The following PGAP1 variants were observed in gnomAD, a reference collection of about 807,000 sequenced individuals.
The protein encoded by PGAP1 is GPI inositol-deacylase.
In PGAP1, 76 loss-of-function variants were observed where a neutral mutation model predicts 127.0. The observed-to-expected ratio is 0.60, with a 90% CI of 0.50 to 0.72. The LOEUF is 0.72. Among genes scored for constraint, PGAP1 ranks in the 30% least tolerant of loss-of-function variants. PGAP1 has a pLI of 0.00. For synonymous variants in PGAP1, 362 were observed against 366.5 expected (o/e 0.99, Z 0.14); for missense variants, 982 against 1,071.3 (o/e 0.92, Z 1.16).
intron 16 of PGAP1, 138 bp downstream of exon 16, chr2:196,873,390 A>C: frequency 1.5e-6 from 1 of 651,798 alleles, no homozygotes; most frequent in East Asian, 2.8e-5. Flanking sequence ...GGAAATATAA[A>C]CAACCTGTTA....
chr2:196,835,493 A>G lies in PGAP1; in HGVS notation c.*5741T>C, dbSNP rs988626191. 5.9e-5 allele frequency: 9 copies of G among 152,068 alleles called. No homozygotes were observed. The highest frequency in any genetic ancestry group is 4.6e-4 in the Admixed American group (7 of 15,270). The allele number at this position is 152,068 out of a possible 1,614,324, so 9.4% of individuals were successfully genotyped here. On this transcript the variant is annotated 3_prime_UTR_variant, in exon 27 of 27. Transcript: ENST00000354764. ...ACTAGGCAAACTTTTACCCAATAAA[A>G]TCAGAAAACATTCAAGCAATCACAC...
intron 20 of PGAP1, among the ~76,000 whole-genome samples, chr2:196,859,137 G>A (rs890216856): frequency 2.6e-5 from 4 of 152,042 alleles, no homozygotes; most frequent in East Asian, 1.9e-4. Flanking sequence ...GACCAGCCTG[G>A]TCAACATGGT....
At chr2:196,922,620 A>G in intron 1 of PGAP1, 1 of 701,504 alleles carries the variant, frequency 1.4e-6, no homozygotes, top group Non-Finnish European at 1.7e-6. Context: ...ACACACAACA[A>G]AGCTTAAGAG....
At chr2:196,861,495 T>C (rs1042851935) in intron 20 of PGAP1, among the ~76,000 whole-genome samples, 1 of 152,136 alleles carries the variant, frequency 6.6e-6, no homozygotes, top group Non-Finnish European at 1.5e-5. Context: ...ATACTCTAAT[T>C]TTAAAAGTGG....
At chr2:196,920,459 C>T (rs1252674308) in intron 1 of PGAP1, among the ~76,000 whole-genome samples, 1 of 151,962 alleles carries the variant, frequency 6.6e-6, no homozygotes, top group East Asian at 1.9e-4. Flanking sequence ...TGGTATATGT[C>T]GACAAGTTAC....
rs1703190896 is a variant in PGAP1, at chr2:196,921,502, A to G, written c.148-1352T>C. On this transcript the variant is annotated intron_variant, in intron 1 of 26. Coordinates refer to ENST00000354764, the MANE Select transcript of PGAP1 (RefSeq NM_024989.4). ...TACTTCTTTAGGTACAAATTAAATA[A>G]AAAGAAAACATAAGAGAACAAAGAA... Among the ~76,000 whole-genome samples, 10 of 152,292 alleles carry G rather than the reference A, an allele frequency of 6.6e-5. No homozygotes were observed. The South Asian group carries it at 2.1e-3, about 32-fold the overall frequency.
In PGAP1 at chr2:196,911,855, T is replaced by G. The variant is rs55791362; in HGVS notation, c.649+1027A>C. On this transcript the variant is annotated intron_variant, in intron 4 of 26. Transcript: ENST00000354764. ...ACGATGTCAATCACAAACTCCTACTTTTCATTCAAAATTCCTGCAAGATTA... is the reference window on the plus strand; with the variant it reads ...ACGATGTCAATCACAAACTCCTACTGTTCATTCAAAATTCCTGCAAGATTA... 6.1e-3 allele frequency among the ~76,000 whole-genome samples: 936 copies of G among 152,270 alleles called. 10 individuals carry two copies. The highest frequency in any genetic ancestry group is 0.021 in the African/African-American group (889 of 41,548).
chr2:196,891,076 G>A (rs1702085392), intron 9 of PGAP1, among the ~76,000 whole-genome samples, 165 bp from the exon 10 acceptor site: 1 of 152,196 alleles, frequency 6.6e-6, no homozygotes, highest in Non-Finnish European at 1.5e-5. Context: ...AGAAGGGCAA[G>A]AGAAAGATTA....
chr2:196,892,706 C>T (rs1017547874), intron 8 of PGAP1, among the ~76,000 whole-genome samples: 4 of 151,976 alleles, frequency 2.6e-5, no homozygotes, highest in African/African-American at 9.6e-5. Context: ...GTATAATTTG[C>T]TTTATATTTA....
rs142290265 is a variant in PGAP1 at position 196,859,402 on chromosome 2, C to T, written c.1861+5585G>A. Among the ~76,000 whole-genome samples the T allele has an allele frequency of 2.0e-5, 3 of 152,176 alleles. No individual in the cohort carries two copies. In the East Asian group the frequency reaches 5.8e-4, roughly 29 times the overall value. ...TCTCCCATCAAAAACAAGCATGGGA[C>T]CTGATGGCTATGCTGCTGAAATCTA... On this transcript the variant is annotated intron_variant, in intron 20 of 26. Coordinates refer to ENST00000354764, the MANE Select transcript of PGAP1 (RefSeq NM_024989.4).
At chr2:196,904,887 G>C (rs1576185377) in intron 4 of PGAP1, among the ~76,000 whole-genome samples, 1 of 152,198 alleles carries the variant, frequency 6.6e-6, no homozygotes, top group African/African-American at 2.4e-5. Flanking sequence ...GCAGAGCCCA[G>C]TGCAGGGCCT....
At chr2:196,864,619 A>G (rs1701179774) in intron 20 of PGAP1, among the ~76,000 whole-genome samples, 1 of 152,140 alleles carries the variant, frequency 6.6e-6, no homozygotes, top group Non-Finnish European at 1.5e-5. Context: ...ACACTGATAC[A>G]AAAGTGACAA....
Position 196,875,767 on chromosome 2 carries a change from C to T in PGAP1, c.1405G>A (p.Val469Ile), listed in dbSNP as rs762651455. The T allele has an allele frequency of 6.5e-7, 1 of 1,541,750 alleles. No individual in the cohort carries two copies. The highest frequency in any genetic ancestry group is 2.3e-5 in the East Asian group (1 of 44,270). The change falls in exon 14 of 27, where the codon GTA (valine) becomes ATA (isoleucine). Residue 469 changes from valine to isoleucine, a missense_variant. Val to Ile is a conservative substitution (Grantham distance 29). Coordinates refer to ENST00000354764, the MANE Select transcript of PGAP1 (RefSeq NM_024989.4). ...KKEKRYIQLP[V>I]THLFSFGLSS... The stretch of plus-strand genomic sequence containing the variant: ...TTACCAAAGGAAAAAAGATGAGTTA[C>T]AGGAAGCTGTATGTATCTTTTCTCT...
intron 25 of PGAP1, among the ~76,000 whole-genome samples, chr2:196,843,553 C>T (rs1576082065): frequency 6.6e-6 from 1 of 152,042 alleles, no homozygotes; most frequent in Non-Finnish European, 1.5e-5. Context: ...ATACAGTTCA[C>T]CCTTTTGGGC....
In PGAP1 at chr2:196,871,025, C is replaced by T. The variant is rs764262809; in HGVS notation, c.1729-46G>A. ...AAAAAAAAGGTTATTTTCCTCTAAA[C>T]TCCTTTACATTTTATTAAATTGAGC... On this transcript the variant is annotated intron_variant, in intron 18 of 26. Coordinates refer to ENST00000354764, the MANE Select transcript of PGAP1 (RefSeq NM_024989.4). 1.0e-5 allele frequency: 14 copies of T among 1,362,350 alleles called. No individual in the cohort carries two copies. The East Asian group carries it at 1.4e-4, about 13-fold the overall frequency. 84.4% of individuals were successfully genotyped at this position (1,362,350 alleles called of 1,614,324 possible). A position where few individuals can be genotyped will look rare whatever the true frequency, so the allele number is the denominator to read the frequency against.
At chr2:196,872,904 G>T in intron 17 of PGAP1, 56 bp downstream of exon 17, 1 of 688,872 alleles carries the variant, frequency 1.5e-6, no homozygotes, top group Non-Finnish European at 2.6e-6. Flanking sequence ...AAACTAAGCA[G>T]AATATCTATT....
At chr2:196,866,814 T>A (rs1011516714) in intron 19 of PGAP1, among the ~76,000 whole-genome samples, 1 of 151,954 alleles carries the variant, frequency 6.6e-6, no homozygotes, top group Non-Finnish European at 1.5e-5. Flanking sequence ...GCAAAGGATA[T>A]GAACAGACAC....
intron 19 of PGAP1, among the ~76,000 whole-genome samples, chr2:196,868,857 G>A (rs942971775): frequency 2.6e-5 from 4 of 152,002 alleles, no homozygotes; most frequent in African/African-American, 9.7e-5. Context: ...TTTAAAACAA[G>A]TAAGATATAC....
At chr2:196,865,414 A>G (rs770419007) in intron 19 of PGAP1, among the ~76,000 whole-genome samples, 1 of 152,112 alleles carries the variant, frequency 6.6e-6, no homozygotes, top group African/African-American at 2.4e-5. Context: ...ACTTCTCCCA[A>G]TATCCTTTGA....
Sources: allele counts gnomAD v4.1 joint callset (sites outside exome capture counted in the v4.1 genomes callset), GRCh38; gene constraint gnomAD v4.1.1; transcripts MANE v1.5; gene names NCBI Gene and HGNC (gene_info 2026-07-23, HGNC 2026-07-21).